The following TENM2 variants were observed in gnomAD, a reference collection of about 807,000 sequenced individuals.
TENM2 encodes teneurin-2.
A neutral mutation model predicts 245.2 loss-of-function variants in TENM2; 52 were observed. That is an observed-to-expected ratio of 0.21 (90% CI 0.17 to 0.27). TENM2 has a LOEUF of 0.27. TENM2 is among the 10% of genes least tolerant of loss of function. The pLI is 1.00. For missense variants in TENM2, 3,046 were observed against 3,666.8 expected, an observed-to-expected ratio of 0.83 and a Z score of 4.37; for synonymous variants, 1,363 against 1,438.9, an observed-to-expected ratio of 0.95 and a Z score of 1.19.
chr5:167,267,436 G>C, the TENM2 span, among the ~76,000 whole-genome samples: 1 of 152,096 alleles, frequency 6.6e-6, no homozygotes, highest in African/African-American at 2.4e-5. Flanking sequence ...TCACTTTCCA[G>C]GCAGTGGTAC....
Position 168,154,147 on chromosome 5 carries a change from T to TAAAAAAAAAAAAAAAAAAAAAAA in TENM2, c.2423-8445_2423-8444insAAAAAAAAAAAAAAAAAAAAAAA, listed in dbSNP as rs70976465. 3.2e-4 allele frequency among the ~76,000 whole-genome samples: 27 copies of TAAAAAAAAAAAAAAAAAAAAAAA among 85,038 alleles called. 1 individual carries two copies. Among genetic ancestry groups the TAAAAAAAAAAAAAAAAAAAAAAA allele is most frequent in the Non-Finnish European group, 4.1e-4 (16 of 39,482 alleles). 55.8% of individuals were successfully genotyped at this position (85,038 alleles called of 152,430 possible). A position where few individuals can be genotyped will look rare whatever the true frequency, so the allele number is the denominator to read the frequency against. ...CATTTCCTCACATGATCACCTACTT[T>TAAAAAAAAAAAAAAAAAAAAAAA]AAAAAAAAAAAAAAAAAAACAGTAA... On this transcript the variant is annotated intron_variant, in intron 12 of 28. Transcript: ENST00000518659.
At chr5:167,358,840 CACACA>C (rs1759517233) in intron 1 of TENM2, among the ~76,000 whole-genome samples, 1 of 122,700 alleles carries the variant, frequency 8.1e-6, no homozygotes, top group African/African-American at 3.0e-5. Flanking sequence ...CACACACACA[CACACA>C]CACACACCCT....
intron 2 of TENM2, among the ~76,000 whole-genome samples, chr5:167,798,093 C>T (rs889667844): frequency 1.6e-4 from 25 of 152,276 alleles, no homozygotes; most frequent in Middle Eastern, 3.4e-3. Context: ...TCCTCTTTAC[C>T]GATGAAAGAA....
the TENM2 span, among the ~76,000 whole-genome samples, chr5:167,217,453 G>A: frequency 6.6e-6 from 1 of 151,964 alleles, no homozygotes; most frequent in South Asian, 2.1e-4. Flanking sequence ...TCCAACCAAC[G>A]CTATTTACTT....
intron 2 of TENM2, among the ~76,000 whole-genome samples, chr5:167,631,175 A>G (rs1213269678): frequency 2.0e-5 from 3 of 152,208 alleles, no homozygotes; most frequent in Non-Finnish European, 4.4e-5. Context: ...TTGAGAAAAA[A>G]AAAGTCAGTA....
At chr5:167,044,814 T>C in the TENM2 span, among the ~76,000 whole-genome samples, 1 of 152,192 alleles carries the variant, frequency 6.6e-6, no homozygotes, top group Admixed American at 6.5e-5. Context: ...ATTAGTAAAA[T>C]ATAAGTGACT....
chr5:167,276,230 C>G, the TENM2 span, among the ~76,000 whole-genome samples: 6 of 151,806 alleles, frequency 4.0e-5, no homozygotes, highest in African/African-American at 1.5e-4. Flanking sequence ...TAAGTAGCTT[C>G]ATAAAATAAT....
At chr5:167,769,547 C>T (rs1211312148) in intron 2 of TENM2, among the ~76,000 whole-genome samples, 2 of 152,146 alleles carry the variant, frequency 1.3e-5, no homozygotes, top group Admixed American at 6.6e-5. Flanking sequence ...GTCCAGTTGC[C>T]ACTTAAAAAC....
chr5:167,768,651 A>G (rs1763200590), intron 2 of TENM2, among the ~76,000 whole-genome samples: 2 of 152,140 alleles, frequency 1.3e-5, no homozygotes, highest in Admixed American at 6.6e-5. Context: ...TTATATACCA[A>G]CAAAGCCACT....
chr5:167,917,034 AC>A (rs1777005456), intron 3 of TENM2, among the ~76,000 whole-genome samples: 1 of 152,190 alleles, frequency 6.6e-6, no homozygotes, highest in Non-Finnish European at 1.5e-5. Context: ...AAGGGGAGGT[AC>A]TGTACCGGTG....
At chr5:167,812,708 C>A (rs537185175) in intron 2 of TENM2, among the ~76,000 whole-genome samples, 2 of 152,260 alleles carry the variant, frequency 1.3e-5, no homozygotes, top group Non-Finnish European at 2.9e-5. Context: ...CAGGCTTGCG[C>A]CTGAGGATAT....
At chr5:167,524,816 T>A (rs2127586181) in intron 2 of TENM2, among the ~76,000 whole-genome samples, 1 of 151,584 alleles carries the variant, frequency 6.6e-6, no homozygotes, top group Admixed American at 6.6e-5. Flanking sequence ...TAAACCCCTC[T>A]CTTACTACAT....
intron 2 of TENM2, among the ~76,000 whole-genome samples, chr5:167,631,407 A>G (rs1196171186): frequency 6.6e-6 from 1 of 152,154 alleles, no homozygotes; most frequent in Non-Finnish European, 1.5e-5. Flanking sequence ...GAAAATAGCT[A>G]CAATGAAGGT....
the TENM2 span, among the ~76,000 whole-genome samples, chr5:167,094,288 C>T: frequency 6.6e-5 from 10 of 151,976 alleles, no homozygotes; most frequent in Non-Finnish European, 1.3e-4. Context: ...TAATAAATTC[C>T]ATCACCTCAA....
intron 2 of TENM2, among the ~76,000 whole-genome samples, chr5:167,490,653 TA>T (rs1310114719): frequency 6.6e-6 from 1 of 152,174 alleles, no homozygotes; most frequent in African/African-American, 2.4e-5. Flanking sequence ...CTAAAATTAG[TA>T]GACATTATGC....
At chr5:167,924,134 A>G (rs1200200768) in intron 3 of TENM2, among the ~76,000 whole-genome samples, 4 of 152,168 alleles carry the variant, frequency 2.6e-5, no homozygotes, top group African/African-American at 4.8e-5. Flanking sequence ...TAGCTCAGGG[A>G]TCTGGTTGCA....
chr5:167,910,731 G>T (rs893532513), intron 3 of TENM2, among the ~76,000 whole-genome samples: 2 of 152,024 alleles, frequency 1.3e-5, no homozygotes, highest in Non-Finnish European at 2.9e-5. Context: ...TGCGTTCTTT[G>T]TCTTGAATAC....
chr5:167,466,154 G>T (rs1371440640), intron 2 of TENM2, among the ~76,000 whole-genome samples: 1 of 152,088 alleles, frequency 6.6e-6, no homozygotes, highest in Non-Finnish European at 1.5e-5. Context: ...TACGAATATG[G>T]TTTCCCTTAT....
At chr5:166,987,421 G>T in the TENM2 span, among the ~76,000 whole-genome samples, 1 of 21,570 alleles carries the variant, frequency 4.6e-5, no homozygotes, top group African/African-American at 1.3e-4. Flanking sequence ...TTTAGTAAGG[G>T]TGTGTGTGTG....
Sources: gnomAD v4.1 joint callset for allele counts (sites outside exome capture counted in the v4.1 genomes callset) on GRCh38, gnomAD v4.1.1 for gene constraint, MANE v1.5 for transcripts, NCBI Gene and HGNC (gene_info 2026-07-23, HGNC 2026-07-21) for gene names.